The following PRR5 variants were observed in gnomAD, a reference collection of about 807,000 sequenced individuals.
PRR5 encodes the protein proline rich 5.
A neutral mutation model predicts 30.6 loss-of-function variants in PRR5; 25 were observed. That is an observed-to-expected ratio of 0.82 (90% CI 0.60 to 1.14). The LOEUF (loss-of-function observed/expected upper bound fraction) is 1.14. PRR5 is among the 50% of genes most tolerant of loss of function. The probability of loss-of-function intolerance (pLI) is 0.00; values close to 1 mark genes in which losing one functional copy is unlikely to be tolerated. For missense variants in PRR5, 600 were observed against 547.1 expected, an observed-to-expected ratio of 1.10 and a Z score of -0.96; for synonymous variants, 286 against 247.1, an observed-to-expected ratio of 1.16 and a Z score of -1.48.
At position 44,702,427 on chromosome 22, in the gene PRR5, G is replaced by T. The variant is rs573478007; in HGVS notation, c.-48G>T. On this transcript the variant is annotated 5_prime_UTR_variant, in exon 1 of 8. Coordinates refer to ENST00000336985, the MANE Select transcript of PRR5 (RefSeq NM_181333.4). ...GGCCCTTGGTGCGGCGTGGCGCAGG[G>T]CGCGGCGTGGGGCGCGCGTGGGCGC... 81 of 1,266,318 alleles carry T rather than the reference G, an allele frequency of 6.4e-5. No individual in the cohort carries two copies. In the African/African-American group the frequency reaches 1.2e-3, roughly 18 times the overall value. The allele number at this position is 1,266,318 out of a possible 1,614,324, so 78.4% of individuals were successfully genotyped here.
chr22:44,720,009 A>G (rs905364484), intron 2 of PRR5, among the ~76,000 whole-genome samples: 1 of 152,044 alleles, frequency 6.6e-6, no homozygotes, highest in Non-Finnish European at 1.5e-5. Flanking sequence ...AGGGCCTGGG[A>G]TTTGCTGCAG....
rs774903791 is a variant in PRR5, at chr22:44,732,398, A to G, written c.555+7A>G. The G allele has an allele frequency of 6.2e-7, 1 of 1,604,726 alleles. No homozygotes were observed. Among genetic ancestry groups the G allele is most frequent in the Non-Finnish European group, 8.5e-7 (1 of 1,176,678 alleles). On this transcript the variant is annotated splice_region_variant and intron_variant, in intron 6 of 7. Transcript: ENST00000336985. Reference sequence around the variant, plus strand: ...GATGCTGCTGGTGCTGCAGGTGGGCACAGTGGGCAGAGGGTCGGGCATGGG... The same window carrying G: ...GATGCTGCTGGTGCTGCAGGTGGGCGCAGTGGGCAGAGGGTCGGGCATGGG...
At chr22:44,695,554 C>G (rs1925671477) in intron 1 of PRR5, among the ~76,000 whole-genome samples, 1 of 152,098 alleles carries the variant, frequency 6.6e-6, no homozygotes. Flanking sequence ...TCTTCATGGC[C>G]TTTCCTGGCT....
intron 1 of PRR5, among the ~76,000 whole-genome samples, chr22:44,706,758 C>G (rs998038091): frequency 6.6e-6 from 1 of 152,016 alleles, no homozygotes; most frequent in Admixed American, 6.6e-5. Context: ...GAACTTCTGA[C>G]CTCAAGCAAT....
At position 44,708,983 on chromosome 22, in the gene PRR5, A is replaced by AC. The variant is rs1225065999; in HGVS notation, c.135-5608_135-5607insC. ...CTCTGTCTCAAAAAAAAAAAAAAAA[A>AC]AAAAAAAAAAGAAGGTACAAGGACT... is the stretch of plus-strand genomic sequence containing the variant. On this transcript the variant is annotated intron_variant, in intron 1 of 7. Coordinates refer to ENST00000336985, the MANE Select transcript of PRR5 (RefSeq NM_181333.4). 8.8e-5 allele frequency among the ~76,000 whole-genome samples: 12 copies of AC among 136,018 alleles called. No homozygotes were observed. The East Asian group carries it at 2.7e-3, about 31-fold the overall frequency. The allele number at this position is 136,018 out of a possible 152,430, so 89.2% of individuals were successfully genotyped here. A position where few individuals can be genotyped will look rare whatever the true frequency, so the allele number is the denominator to read the frequency against.
At position 44,702,324 on chromosome 22, in the gene PRR5, C is replaced by G. The variant is rs1391611115; in HGVS notation, c.-151C>G. On this transcript the variant is annotated 5_prime_UTR_variant, in exon 1 of 8. Coordinates refer to ENST00000336985, the MANE Select transcript of PRR5 (RefSeq NM_181333.4). ...GGGACCCGAGACGGAGGCGCGGGGC[C>G]GGGGCGGGACCCCGCAGGACCGCTC... is the stretch of plus-strand genomic sequence containing the variant. The G allele has an allele frequency of 8.7e-7, 1 of 1,150,308 alleles. No individual in the cohort carries two copies. Among genetic ancestry groups the G allele is most frequent in the African/African-American group, 1.6e-5 (1 of 61,208 alleles). The allele number at this position is 1,150,308 out of a possible 1,614,324, so 71.3% of individuals were successfully genotyped here. A position where few individuals can be genotyped will look rare whatever the true frequency, so the allele number is the denominator to read the frequency against.
At chr22:44,690,428 G>A (rs1032977457) in intron 1 of PRR5, among the ~76,000 whole-genome samples, 14 of 152,160 alleles carry the variant, frequency 9.2e-5, no homozygotes, top group Admixed American at 7.2e-4. Context: ...GGGTTGGGGG[G>A]AACCTGACAG....
At chr22:44,687,860 C>T (rs1022269604) in intron 1 of PRR5, among the ~76,000 whole-genome samples, 4 of 152,050 alleles carry the variant, frequency 2.6e-5, no homozygotes, top group South Asian at 2.1e-4. Context: ...CTGCAACCTC[C>T]GCCTCCCGGG....
chr22:44,728,338 T>A (rs1921247595), intron 4 of PRR5, among the ~76,000 whole-genome samples: 1 of 152,232 alleles, frequency 6.6e-6, no homozygotes, highest in Non-Finnish European at 1.5e-5. Context: ...AATGTGGGGT[T>A]GAACAGGCTC....
rs527973321 is a variant in PRR5 at position 44,711,357 on chromosome 22, G to T, written c.135-3234G>T. ...GGGAACAGCAGGATGGAGGCCCCGG[G>T]GCAGAAAGAAGCCAGGGCAGCTTCA... is the stretch of plus-strand genomic sequence containing the variant. On this transcript the variant is annotated intron_variant, in intron 1 of 7. Transcript: ENST00000336985. 4.6e-5 allele frequency among the ~76,000 whole-genome samples: 7 copies of T among 152,274 alleles called. No homozygotes were observed. In the East Asian group the frequency reaches 1.2e-3, roughly 25 times the overall value.
intron 4 of PRR5, chr22:44,729,640 C>T (rs1348297590): frequency 1.2e-5 from 12 of 985,470 alleles, no homozygotes; most frequent in African/African-American, 1.7e-5. Context: ...TACCTGCCTC[C>T]GACTAACCCT....
At chr22:44,713,653 G>A (rs777126089) in intron 1 of PRR5, among the ~76,000 whole-genome samples, 1 of 151,678 alleles carries the variant, frequency 6.6e-6, no homozygotes, top group African/African-American at 2.4e-5. Flanking sequence ...GGCGTGAACC[G>A]CCATGCCCGG....
intron 1 of PRR5, among the ~76,000 whole-genome samples, chr22:44,669,338 C>A (rs941451531): frequency 1.3e-5 from 2 of 152,200 alleles, no homozygotes; most frequent in African/African-American, 2.4e-5. Context: ...TGGCCCCCAC[C>A]GCTCTGGCCT....
intron 1 of PRR5, among the ~76,000 whole-genome samples, chr22:44,710,470 T>C (rs1431205356): frequency 6.6e-6 from 1 of 152,126 alleles, no homozygotes; most frequent in Non-Finnish European, 1.5e-5. Flanking sequence ...ACTCAAGCCC[T>C]CACCCAGAAG....
intron 1 of PRR5, among the ~76,000 whole-genome samples, chr22:44,696,666 C>T (rs1356874850): frequency 5.3e-5 from 8 of 152,122 alleles, no homozygotes; most frequent in Admixed American, 2.6e-4. Flanking sequence ...TTAAAGGAAG[C>T]GGTCCACCTT....
At chr22:44,707,825 G>C (rs1048705642) in intron 1 of PRR5, among the ~76,000 whole-genome samples, 3 of 152,212 alleles carry the variant, frequency 2.0e-5, no homozygotes, top group African/African-American at 7.2e-5. Context: ...CCTCAACCAT[G>C]ATGGGACACT....
chr22:44,685,822 G>A (rs1041178690), intron 1 of PRR5, among the ~76,000 whole-genome samples: 6 of 152,238 alleles, frequency 3.9e-5, no homozygotes, highest in African/African-American at 1.2e-4. Context: ...TGCCCCTTCC[G>A]CCTAACTTTG....
At position 44,737,035 on chromosome 22, in the gene PRR5, C is replaced by A. The variant is rs749202808; in HGVS notation, c.955C>A (p.Pro319Thr). Reference sequence around the variant, plus strand: ...CCCGGCGCCCCACTCAGGGCCCTGCCCCAGCAGACTGTACCCCACGACCCA... The same window carrying A: ...CCCGGCGCCCCACTCAGGGCCCTGCACCAGCAGACTGTACCCCACGACCCA... ...SSPAPHSGPC[P>T]SRLYPTTQPP... The change falls in exon 8 of 8, where the codon CCC becomes ACC. Residue 319 changes from proline to threonine, a missense_variant. Transcript: ENST00000336985. 2 of 1,604,004 alleles carry A rather than the reference C, an allele frequency of 1.2e-6. No individual in the cohort carries two copies. The highest frequency in any genetic ancestry group is 2.2e-5 in the East Asian group (1 of 44,624).
At chr22:44,714,858 G>A (rs868609645) in intron 2 of PRR5, among the ~76,000 whole-genome samples, 187 bp downstream of exon 2, 1 of 152,206 alleles carries the variant, frequency 6.6e-6, no homozygotes, top group Admixed American at 6.5e-5. Context: ...GTGGTTTCCC[G>A]AGCTGCCATG....
Sources: gnomAD v4.1 joint callset for allele counts (sites outside exome capture counted in the v4.1 genomes callset) on GRCh38, gnomAD v4.1.1 for gene constraint, MANE v1.5 for transcripts, NCBI Gene and HGNC (gene_info 2026-07-23, HGNC 2026-07-21) for gene names.